Variants in LTF observed in about 807,000 individuals in gnomAD.
The protein encoded by LTF is epididymis luminal protein 110.
LTF carries 91 observed loss-of-function variants against 87.2 expected under a neutral mutation model. That is an observed-to-expected ratio of 1.04 (90% CI 0.88 to 1.24). The LOEUF is 1.24. LTF is among the 50% of genes most tolerant of loss of function. The pLI is 0.00. For missense variants in LTF, 901 were observed against 904.3 expected, an observed-to-expected ratio of 1.00 and a Z score of 0.05; for synonymous variants, 378 against 356.1, an observed-to-expected ratio of 1.06 and a Z score of -0.69.
intron 8 of LTF, 49 bp from the exon 9 acceptor site, chr3:46,449,066 G>T (rs1261659679): frequency 6.4e-7 from 1 of 1,557,216 alleles, no homozygotes; most frequent in South Asian, 1.2e-5. Flanking sequence ...GCTTTGCCAG[G>T]TTGTCCAACC....
At chr3:46,461,908 C>A (rs1703090661) in intron 1 of LTF, among the ~76,000 whole-genome samples, 1 of 152,158 alleles carries the variant, frequency 6.6e-6, no homozygotes, top group Admixed American at 6.5e-5. Flanking sequence ...GAATGTTCAG[C>A]CTCTGCTGTC....
At chr3:46,456,966 C>T (rs111712552) in intron 2 of LTF, among the ~76,000 whole-genome samples, 8,424 of 152,224 alleles carry the variant, frequency 0.055, 775 homozygotes, top group African/African-American at 0.19. Flanking sequence ...ACCGTTCCAC[C>T]TCTGATCATC....
Position 46,455,271 on chromosome 3 carries a change from C to T in LTF, c.647+24G>A, listed in dbSNP as rs142976687. The T allele has an allele frequency of 1.7e-4, 272 of 1,614,040 alleles. 2 individuals are homozygous for T. The Admixed American group carries it at 3.9e-3, about 23-fold the overall frequency. On this transcript the variant is annotated intron_variant, in intron 5 of 16. Coordinates refer to ENST00000231751, the MANE Select transcript of LTF (RefSeq NM_002343.6). ...AGGCCAAGGGACACTTGGCCACTGA[C>T]GAGAAGGGGACAGGGTCACTCACTT...
chr3:46,478,883 C>A (rs769612291), intron 1 of LTF, among the ~76,000 whole-genome samples: 3 of 152,186 alleles, frequency 2.0e-5, no homozygotes, highest in Non-Finnish European at 1.5e-5. Context: ...CCAGAGAGGG[C>A]GTGTGGCCTG....
intron 1 of LTF, among the ~76,000 whole-genome samples, chr3:46,472,675 A>G (rs1323893596): frequency 1.3e-5 from 2 of 151,972 alleles, no homozygotes; most frequent in Non-Finnish European, 2.9e-5. Flanking sequence ...CCTTTTGAGT[A>G]AAGCTGACCT....
Position 46,438,140 on chromosome 3 carries a change from AG to A in LTF, c.1909-12del. The stretch of plus-strand genomic sequence containing the variant: ...TCTCCCAAATTTAGCCTGCGACAAA[AG>A]GGCAGACAGTGAGTAGCTAAGGAAA... On this transcript the variant is annotated splice_polypyrimidine_tract_variant and intron_variant, in intron 15 of 16. Transcript: ENST00000231751. 3.1e-6 allele frequency: 5 copies of A among 1,609,830 alleles called. No individual in the cohort carries two copies. Among genetic ancestry groups the A allele is most frequent in the Non-Finnish European group, 4.2e-6 (5 of 1,177,210 alleles).
Position 46,449,953 on chromosome 3 carries a change from T to G in LTF, c.958A>C (p.Lys320Gln), listed in dbSNP as rs750647853. ...SPSGQKDLLF[K>Q]DSAIGFSRVP... ...CTCGAAAACCCAATGGCAGAGTCCT[T>G]GAACAGCAGATCTTTCTGCCCACTA... Residue 320 changes from lysine to glutamine, a missense_variant, in exon 8 of 17, where the codon AAG becomes CAG. Physicochemically the swap from Lys to Gln is moderately conservative, Grantham distance 53 (BLOSUM62 1). Coordinates refer to ENST00000231751, the MANE Select transcript of LTF (RefSeq NM_002343.6). 3.7e-6 allele frequency: 6 copies of G among 1,614,174 alleles called. No homozygotes were observed. Among genetic ancestry groups the G allele is most frequent in the Non-Finnish European group, 5.1e-6 (6 of 1,180,020 alleles).
At chr3:46,438,880 T>C (rs1481177917) in intron 15 of LTF, among the ~76,000 whole-genome samples, 2 of 152,204 alleles carry the variant, frequency 1.3e-5, no homozygotes, top group East Asian at 3.9e-4. Context: ...CTGAGTTTGC[T>C]GTTTTAGAGG....
intron 11 of LTF, 138 bp downstream of exon 11, chr3:46,446,302 C>T (rs749026224): frequency 1.6e-5 from 3 of 183,544 alleles, no homozygotes; most frequent in Non-Finnish European, 2.9e-5. Context: ...ATTATTTGCA[C>T]CCTTAAAATT....
intron 1 of LTF, among the ~76,000 whole-genome samples, chr3:46,477,503 A>C (rs531169137): frequency 6.6e-6 from 1 of 152,208 alleles, no homozygotes; most frequent in African/African-American, 2.4e-5. Context: ...GTTTGAAACC[A>C]GCTCTACCTC....
intron 5 of LTF, 60 bp from the exon 6 acceptor site, chr3:46,454,420 G>A: frequency 7.3e-7 from 1 of 1,372,152 alleles, no homozygotes. Context: ...CCCTCCCTGT[G>A]GAACAGTAGC....
chr3:46,454,180 G>A (rs916546659), intron 6 of LTF, 125 bp downstream of exon 6: 11 of 834,360 alleles, frequency 1.3e-5, no homozygotes, highest in Non-Finnish European at 1.9e-5. Context: ...AATCAGAGCT[G>A]TGCCCTGTAG....
At chr3:46,472,695 A>G (rs1703309375) in intron 1 of LTF, among the ~76,000 whole-genome samples, 1 of 151,970 alleles carries the variant, frequency 6.6e-6, no homozygotes. Context: ...TCTCCAGAAC[A>G]TGTGTTGTTG....
rs1559614601 is a variant in LTF at position 46,482,566 on chromosome 3, AAGG to A, written c.-320+2417_-320+2419del. Among the ~76,000 whole-genome samples the A allele has an allele frequency of 4.2e-3, 461 of 110,964 alleles. 87 individuals carry two copies. Among genetic ancestry groups the A allele is most frequent in the East Asian group, 0.012 (38 of 3,214 alleles). The allele number at this position is 110,964 out of a possible 152,430, so 72.8% of individuals were successfully genotyped here. On this transcript the variant is annotated intron_variant, in intron 1 of 19. Coordinates refer to the LTF transcript ENST00000443496. ...AAGGGAAGGGAAGGGAAGGGAAGGG[AAGG>A]GAAAGGAAAGGAAGGGAGAAAGAGA... is the stretch of plus-strand genomic sequence containing the variant.
intron 1 of LTF, among the ~76,000 whole-genome samples, chr3:46,482,625 A>AAAGAAAGAAAG (rs1703455478): frequency 3.1e-5 from 2 of 65,096 alleles, no homozygotes; most frequent in Non-Finnish European, 6.3e-5. Flanking sequence ...AGAAAGAAAG[A>AAAGAAAGAAAG]AAGAAAGAAA....
At position 46,459,636 on chromosome 3, in the gene LTF, A is replaced by C. The variant is rs1461342045; in HGVS notation, c.207+20T>G. On this transcript the variant is annotated intron_variant, in intron 2 of 16. Coordinates refer to ENST00000231751, the MANE Select transcript of LTF (RefSeq NM_002343.6). ...CCTTCCATTCAGCTTGGTCCCAACC[A>C]ACACCCGGCATTGACTCACCGCAAT... The C allele has an allele frequency of 2.8e-6, 4 of 1,411,540 alleles. No individual in the cohort carries two copies. The highest frequency in any genetic ancestry group is 1.9e-4 in the Middle Eastern group (1 of 5,314). 87.4% of individuals were successfully genotyped at this position (1,411,540 alleles called of 1,614,324 possible).
rs144469141 is a variant in LTF, at chr3:46,436,067, G to C, written c.*128C>G. 1,702 of 836,920 alleles carry C rather than the reference G, an allele frequency of 2.0e-3. 19 individuals carry two copies. In the African/African-American group the frequency reaches 0.027, roughly 13 times the overall value. The allele number at this position is 836,920 out of a possible 1,614,324, so 51.8% of individuals were successfully genotyped here. ...CTTGCTAAGACGACAGCAGGGAATT[G>C]TAAGCAGATGGATGGGCAATCCCCA... On this transcript the variant is annotated 3_prime_UTR_variant, in exon 17 of 17. Coordinates refer to ENST00000231751, the MANE Select transcript of LTF (RefSeq NM_002343.6).
chr3:46,454,010 A>T, intron 6 of LTF: 1 of 385,994 alleles, frequency 2.6e-6, no homozygotes, highest in Non-Finnish European at 4.8e-6. Flanking sequence ...AACCGGAAAC[A>T]CAAACCAGCA....
chr3:46,466,540 G>C (rs1376740326), upstream of LTF, among the ~76,000 whole-genome samples: 4 of 152,186 alleles, frequency 2.6e-5, no homozygotes, highest in Non-Finnish European at 5.9e-5. Context: ...AAGGAGGCTG[G>C]GGAGCCCCTC....
Sources: gnomAD v4.1 joint callset for allele counts (sites outside exome capture counted in the v4.1 genomes callset) on GRCh38, gnomAD v4.1.1 for gene constraint, MANE v1.5 for transcripts, NCBI Gene and HGNC (gene_info 2026-07-23, HGNC 2026-07-21) for gene names.